INCENP: variants seen among roughly 807,000 people sequenced by gnomAD.
INCENP encodes the protein inner centromere protein.
Under a neutral mutation model 107.3 loss-of-function variants are expected in INCENP, and 43 were observed. The ratio of observed to expected loss-of-function variants is 0.40; its 90% confidence interval spans 0.31 to 0.52. The LOEUF (loss-of-function observed/expected upper bound fraction) is 0.52, where lower values mean the gene tolerates loss of function less well. Among genes scored for constraint, INCENP ranks in the 20% least tolerant of loss-of-function variants. INCENP has a pLI of 0.53. For missense variants in INCENP, 1,089 were observed against 1,250.9 expected (o/e 0.87, Z 1.95); for synonymous variants, 488 against 494.4 (o/e 0.99, Z 0.17).
chr11:62,150,370 T>C lies in INCENP; in HGVS notation c.2542+163T>C, dbSNP rs1675110. ...TTGGGTATGCATGTGCCCTGGGGAG[T>C]GTGGGGCACCCTGTGGTCATTGTGC... On this transcript the variant is annotated intron_variant, in intron 18 of 18. Coordinates refer to ENST00000394818, the MANE Select transcript of INCENP (RefSeq NM_001040694.2). Among the ~76,000 whole-genome samples the C allele has an allele frequency of 0.022, 3,311 of 152,062 alleles. 126 individuals are homozygous for C. The highest frequency in any genetic ancestry group is 0.075 in the African/African-American group (3,129 of 41,448).
chr11:62,145,911 A>T lies in INCENP; in HGVS notation c.1959+160A>T, dbSNP rs573964317. ...TTTCCCAGAAGTCTCCAGGGCGGGGATGGTGACCAGAATCTGCCTCTCCTG... is the reference window on the plus strand; with the variant it reads ...TTTCCCAGAAGTCTCCAGGGCGGGGTTGGTGACCAGAATCTGCCTCTCCTG... On this transcript the variant is annotated intron_variant, in intron 14 of 18. Coordinates refer to ENST00000394818, the MANE Select transcript of INCENP (RefSeq NM_001040694.2). 66 of 894,792 alleles carry T rather than the reference A, an allele frequency of 7.4e-5. 1 individual carries two copies. The South Asian group carries it at 1.2e-3, about 16-fold the overall frequency. The allele number at this position is 894,792 out of a possible 1,614,324, so 55.4% of individuals were successfully genotyped here.
In INCENP at chr11:62,152,623, G is replaced by A. The variant is rs1487999762; in HGVS notation, c.*647G>A. The A allele has an allele frequency of 6.5e-6, 1 of 152,814 alleles. No homozygotes were observed. Among genetic ancestry groups the A allele is most frequent in the Non-Finnish European group, 1.5e-5 (1 of 68,598 alleles). 9.5% of individuals were successfully genotyped at this position (152,814 alleles called of 1,614,324 possible). A position where few individuals can be genotyped will look rare whatever the true frequency, so the allele number is the denominator to read the frequency against. ...GAGTTTGTTCATTGGGAAAGACCTG[G>A]GTCTTGACACGGCCCTGCCACTTAG... is the stretch of plus-strand genomic sequence containing the variant. On this transcript the variant is annotated 3_prime_UTR_variant, in exon 19 of 19. Transcript: ENST00000394818.
rs758189633 is a variant in INCENP, at chr11:62,130,053, C to T, written c.526C>T (p.Arg176Cys). ...TGTGGTGGAGATCGGCATCAGTGAG[C>T]GCCAGAATGCTGAGCAGCATGTCAC... ...VPVVEIGISERQNAEQHVTQL... is the reference protein window; with the variant it reads ...VPVVEIGISECQNAEQHVTQL... Residue 176 changes from arginine to cysteine, a missense_variant, in exon 4 of 19, where the codon CGC becomes TGC. Transcript: ENST00000394818. The T allele has an allele frequency of 8.7e-6, 14 of 1,613,778 alleles. No individual in the cohort carries two copies. The highest frequency in any genetic ancestry group is 3.3e-5 in the Admixed American group (2 of 59,990).
intron 17 of INCENP, 48 bp from the exon 18 acceptor site, chr11:62,150,009 A>C (rs1944338831): frequency 6.3e-7 from 1 of 1,595,314 alleles, no homozygotes; most frequent in Non-Finnish European, 8.6e-7. Flanking sequence ...CGGTGGTGAG[A>C]GATGGGAATG....
chr11:62,148,470 C>T lies in INCENP; in HGVS notation c.2205-6C>T, dbSNP rs753141063. The T allele has an allele frequency of 1.3e-6, 2 of 1,598,250 alleles. No individual in the cohort carries two copies. Among genetic ancestry groups the T allele is most frequent in the Non-Finnish European group, 1.7e-6 (2 of 1,173,802 alleles). Reference sequence around the variant, plus strand: ...CTGTCCTAACAGGCTCTTGCTGGGTCCTCAGGGAGCTGCAGGAGCGGGAGA... The same window carrying T: ...CTGTCCTAACAGGCTCTTGCTGGGTTCTCAGGGAGCTGCAGGAGCGGGAGA... On this transcript the variant is annotated splice_polypyrimidine_tract_variant and splice_region_variant and intron_variant, in intron 15 of 18. Coordinates refer to ENST00000394818, the MANE Select transcript of INCENP (RefSeq NM_001040694.2).
chr11:62,128,181 G>A lies in INCENP; in HGVS notation c.20G>A (p.Gly7Glu), dbSNP rs778898075. 3.1e-6 allele frequency: 5 copies of A among 1,614,174 alleles called. No individual in the cohort carries two copies. The highest frequency in any genetic ancestry group is 4.2e-6 in the Non-Finnish European group (5 of 1,180,022). MGTTAP[G>E]PIHLLELCDQ... is the part of the protein sequence containing the mutation. ...GCCACCATGGGGACGACGGCCCCAGGGCCCATTCACCTGCTGGAGCTATGT... is the reference window on the plus strand; with the variant it reads ...GCCACCATGGGGACGACGGCCCCAGAGCCCATTCACCTGCTGGAGCTATGT... The change falls in exon 2 of 19, where the codon GGG (glycine) becomes GAG (glutamate). Residue 7 changes from glycine to glutamate, a missense_variant. Physicochemically the swap from Gly to Glu is moderately conservative, Grantham distance 98. Transcript: ENST00000394818.
At chr11:62,140,084 T>C (rs1385982743) in intron 7 of INCENP, 150 bp from the exon 8 acceptor site, 3 of 663,718 alleles carry the variant, frequency 4.5e-6, no homozygotes, top group Non-Finnish European at 8.1e-6. Flanking sequence ...AAGGCTGATA[T>C]GTCTGCGTTT....
intron 2 of INCENP, 47 bp downstream of exon 2, chr11:62,128,348 G>A (rs1446250552): frequency 6.2e-7 from 1 of 1,611,000 alleles, no homozygotes; most frequent in Non-Finnish European, 8.5e-7. Context: ...GGCCTGTCTG[G>A]GCTGCTTTGG....
chr11:62,125,912 AT>A (rs1379441215), intron 1 of INCENP, among the ~76,000 whole-genome samples: 1 of 152,264 alleles, frequency 6.6e-6, no homozygotes, highest in East Asian at 1.9e-4. Flanking sequence ...ATTACAATCA[AT>A]GAATGGGATC....
At position 62,129,825 on chromosome 11, in the gene INCENP, C is replaced by T. The variant is rs139863209; in HGVS notation, c.298C>T (p.Arg100Cys). Residue 100 changes from arginine to cysteine, a missense_variant, in exon 4 of 19, where the codon CGC becomes TGC. Coordinates refer to ENST00000394818, the MANE Select transcript of INCENP (RefSeq NM_001040694.2). ...TCGGAGCAGCCAGCTGAGCTCCCGA[C>T]GCCTCCGCAGCAAGGACAGTGTAGA... ...KSRSSQLSSR[R>C]LRSKDSVEKL... 39 of 1,611,180 alleles carry T rather than the reference C, an allele frequency of 2.4e-5. No individual in the cohort carries two copies. Among genetic ancestry groups the T allele is most frequent in the South Asian group, 1.4e-4 (13 of 91,070 alleles).
intron 3 of INCENP, among the ~76,000 whole-genome samples, 170 bp downstream of exon 3, chr11:62,129,053 C>T (rs1266936854): frequency 1.3e-5 from 2 of 152,094 alleles, no homozygotes; most frequent in Admixed American, 6.5e-5. Context: ...TGGGATGCCA[C>T]AGGGAACTAT....
chr11:62,135,790 T>G (rs1229670503), intron 4 of INCENP, among the ~76,000 whole-genome samples: 1 of 152,066 alleles, frequency 6.6e-6, no homozygotes, highest in Non-Finnish European at 1.5e-5. Flanking sequence ...AAAATTCTAC[T>G]CTTGGATTCG....
intron 7 of INCENP, 45 bp from the exon 8 acceptor site, chr11:62,140,189 G>A (rs750225003): frequency 2.4e-5 from 38 of 1,582,626 alleles, no homozygotes; most frequent in East Asian, 4.5e-5. Context: ...CCACCCTGCC[G>A]CCGCCATCGT....
chr11:62,136,943 G>T (rs1183937885), intron 4 of INCENP, among the ~76,000 whole-genome samples: 2 of 152,212 alleles, frequency 1.3e-5, no homozygotes, highest in South Asian at 2.1e-4. Flanking sequence ...TCCCCCATGG[G>T]TCTCAAGGAC....
rs757112351 is a variant in INCENP, at chr11:62,150,088, C to T, written c.2423C>T (p.Pro808Leu). The T allele has an allele frequency of 5.0e-6, 8 of 1,613,996 alleles. No homozygotes were observed. Among genetic ancestry groups the T allele is most frequent in the South Asian group, 4.4e-5 (4 of 91,072 alleles). Residue 808 changes from proline (P) to leucine (L), a missense_variant, in exon 18 of 19, where the codon CCG (proline) becomes CTG (leucine). Transcript: ENST00000394818. The part of the protein sequence containing the change: ...SPACTSYQMT[P>L]QGHRAPPKIN... The stretch of plus-strand genomic sequence containing the variant: ...GCTTGTACCTCATATCAGATGACTC[C>T]GCAAGGGCACAGGGCCCCTCCCAAG...
intron 3 of INCENP, among the ~76,000 whole-genome samples, chr11:62,129,434 T>C (rs1943831375): frequency 6.6e-6 from 1 of 152,204 alleles, no homozygotes; most frequent in Non-Finnish European, 1.5e-5. Context: ...TAGTGGTCTC[T>C]GCCTCTCAAG....
intron 1 of INCENP, among the ~76,000 whole-genome samples, chr11:62,127,783 G>T (rs1206791307): frequency 6.6e-6 from 1 of 152,180 alleles, no homozygotes. Context: ...CCCTGGGGTG[G>T]CCAGGAAGAC....
intron 16 of INCENP, 37 bp from the exon 17 acceptor site, chr11:62,148,702 A>G: frequency 2.6e-6 from 4 of 1,522,422 alleles, no homozygotes; most frequent in Non-Finnish European, 2.7e-6. Flanking sequence ...GGGCACCTGC[A>G]CAGCTCCCTA....
chr11:62,139,072 AC>A, intron 7 of INCENP, 67 bp downstream of exon 7: 1 of 1,101,548 alleles, frequency 9.1e-7, no homozygotes, highest in Non-Finnish European at 1.4e-6. Context: ...CCTCGGCCTG[AC>A]CTTCTCTCTG....
Sources: gnomAD v4.1 joint callset for allele counts (sites outside exome capture counted in the v4.1 genomes callset) on GRCh38, gnomAD v4.1.1 for gene constraint, MANE v1.5 for transcripts, NCBI Gene and HGNC (gene_info 2026-07-23, HGNC 2026-07-21) for gene names.